CDH13: variants seen among roughly 807,000 people sequenced by gnomAD.
CDH13 encodes the protein cadherin-13.
A neutral mutation model predicts 63.8 loss-of-function variants in CDH13; 24 were observed. That is an observed-to-expected ratio of 0.38 (90% CI 0.27 to 0.53). CDH13 has a LOEUF of 0.53. Ranked by LOEUF, CDH13 falls within the 20% of genes least tolerant of loss-of-function variation. The pLI is 0.85. For missense variants in CDH13, 1,049 were observed against 903.1 expected (o/e 1.16, Z -2.07); for synonymous variants, 503 against 355.3 (o/e 1.42, Z -4.67).
chr16:82,983,465 G>A (rs1193002022), intron 2 of CDH13, among the ~76,000 whole-genome samples: 5 of 152,196 alleles, frequency 3.3e-5, no homozygotes, highest in Non-Finnish European at 5.9e-5. Context: ...TGATGGTGAA[G>A]CCCACTTCCT....
intron 1 of CDH13, among the ~76,000 whole-genome samples, chr16:82,689,679 G>C (rs185699398): frequency 6.6e-6 from 1 of 152,000 alleles, no homozygotes; most frequent in Non-Finnish European, 1.5e-5. Context: ...GCCCCCTCCC[G>C]TTTCTGTAAA....
rs537985126 is a variant in CDH13 at position 83,730,660 on chromosome 16, G to T, written c.1539-17448G>T. 4.1e-4 allele frequency among the ~76,000 whole-genome samples: 63 copies of T among 152,236 alleles called. 1 individual carries two copies. The highest frequency in any genetic ancestry group is 2.1e-3 in the South Asian group (10 of 4,820). On this transcript the variant is annotated intron_variant, in intron 10 of 13. Coordinates refer to ENST00000567109, the MANE Select transcript of CDH13 (RefSeq NM_001257.5). ...GTTTTTGTTTTGTTTTCGTTTTTTG[G>T]TTTGTGGTTTTTTTGAGCTTTTAGA...
intron 7 of CDH13, among the ~76,000 whole-genome samples, chr16:83,579,597 C>G (rs878893868): frequency 6.6e-6 from 1 of 152,116 alleles, no homozygotes; most frequent in Non-Finnish European, 1.5e-5. Context: ...CAGGTTCCTC[C>G]TCCCACATTG....
chr16:83,048,719 G>A (rs539585228), intron 3 of CDH13, among the ~76,000 whole-genome samples: 2 of 152,044 alleles, frequency 1.3e-5, no homozygotes, highest in East Asian at 3.9e-4. Context: ...TTGTACCCTT[G>A]AACTCACTCT....
At chr16:82,908,497 G>T (rs1436579129) in intron 2 of CDH13, among the ~76,000 whole-genome samples, 1 of 152,168 alleles carries the variant, frequency 6.6e-6, no homozygotes. Context: ...ATGGGCATCA[G>T]ATGAAGGCAT....
intron 5 of CDH13, among the ~76,000 whole-genome samples, chr16:83,341,237 G>A (rs1416266584): frequency 2.0e-5 from 3 of 152,220 alleles, no homozygotes; most frequent in South Asian, 2.1e-4. Context: ...GGTTTTGTGT[G>A]CTTTGGGTAT....
chr16:82,716,203 G>C (rs2032360793), intron 1 of CDH13, among the ~76,000 whole-genome samples: 1 of 152,164 alleles, frequency 6.6e-6, no homozygotes, highest in African/African-American at 2.4e-5. Context: ...CTTGGGTTCA[G>C]GCATGTCCTC....
At chr16:83,592,931 C>T (rs1906901119) in intron 7 of CDH13, among the ~76,000 whole-genome samples, 1 of 152,148 alleles carries the variant, frequency 6.6e-6, no homozygotes, top group Non-Finnish European at 1.5e-5. Flanking sequence ...ATCGCTCGAC[C>T]TCTGCAGTGG....
chr16:83,098,889 A>T (rs2034335957), intron 3 of CDH13, among the ~76,000 whole-genome samples: 1 of 152,220 alleles, frequency 6.6e-6, no homozygotes, highest in South Asian at 2.1e-4. Context: ...GCTGGGAAAA[A>T]AGGTTAATTG....
chr16:83,606,397 A>C (rs1322491322), intron 8 of CDH13, among the ~76,000 whole-genome samples: 1 of 152,164 alleles, frequency 6.6e-6, no homozygotes, highest in East Asian at 1.9e-4. Flanking sequence ...TAGAGACTAG[A>C]AATAACACTG....
chr16:83,169,903 G>C (rs1449393049), intron 4 of CDH13, among the ~76,000 whole-genome samples: 1 of 151,886 alleles, frequency 6.6e-6, no homozygotes, highest in Admixed American at 6.6e-5. Context: ...AGTTTTTATG[G>C]CTTCATATTC....
chr16:83,289,120 A>G (rs1273702444), intron 5 of CDH13, among the ~76,000 whole-genome samples: 1 of 152,238 alleles, frequency 6.6e-6, no homozygotes. Flanking sequence ...CTCCTGGCCT[A>G]CAAGAACCAA....
intron 2 of CDH13, among the ~76,000 whole-genome samples, chr16:82,908,333 G>T (rs974028490): frequency 2.0e-5 from 3 of 152,134 alleles, no homozygotes. Context: ...AGTAGGACCA[G>T]CTAGTAATGG....
At chr16:82,669,971 G>A (rs991643784) in intron 1 of CDH13, among the ~76,000 whole-genome samples, 2 of 152,208 alleles carry the variant, frequency 1.3e-5, no homozygotes, top group African/African-American at 4.8e-5. Flanking sequence ...CCCTTTAAAA[G>A]ATAAAGAGAA....
intron 8 of CDH13, among the ~76,000 whole-genome samples, chr16:83,627,206 C>T (rs1267646759): frequency 1.3e-5 from 2 of 151,804 alleles, no homozygotes; most frequent in African/African-American, 2.4e-5. Flanking sequence ...AGGAGAATTG[C>T]TTGAACCCAG....
intron 2 of CDH13, among the ~76,000 whole-genome samples, chr16:82,866,867 G>C (rs1452792722): frequency 6.6e-6 from 1 of 152,090 alleles, no homozygotes; most frequent in Non-Finnish European, 1.5e-5. Flanking sequence ...GCAGCATAGA[G>C]GAAACCACCT....
At chr16:83,702,039 A>G in intron 10 of CDH13, among the ~76,000 whole-genome samples, 1 of 152,242 alleles carries the variant, frequency 6.6e-6, no homozygotes, top group East Asian at 1.9e-4. Context: ...CTCTTAGCAC[A>G]GTGTCTGGAA....
At chr16:83,779,659 C>A (rs780528177) in intron 11 of CDH13, among the ~76,000 whole-genome samples, 1 of 151,720 alleles carries the variant, frequency 6.6e-6, no homozygotes, top group African/African-American at 2.4e-5. Flanking sequence ...ACCGTCTCTA[C>A]AAAAAATACA....
At chr16:83,090,029 C>G (rs2033815806) in intron 3 of CDH13, among the ~76,000 whole-genome samples, 1 of 152,088 alleles carries the variant, frequency 6.6e-6, no homozygotes, top group Non-Finnish European at 1.5e-5. Context: ...AATGGGTTCT[C>G]AAACCTAAAA....
Sources: allele counts gnomAD v4.1 joint callset (sites outside exome capture counted in the v4.1 genomes callset), GRCh38; gene constraint gnomAD v4.1.1; transcripts MANE v1.5; gene names NCBI Gene and HGNC (gene_info 2026-07-23, HGNC 2026-07-21).